Variants in EPHX4 observed in about 807,000 individuals in gnomAD.
EPHX4 encodes the protein abhydrolase domain containing 7.
A neutral mutation model predicts 44.9 loss-of-function variants in EPHX4; 31 were observed. The ratio of observed to expected loss-of-function variants is 0.69; its 90% CI spans 0.52 to 0.93. The LOEUF (loss-of-function observed/expected upper bound fraction) is 0.93, where lower values mean the gene tolerates loss of function less well. Among genes scored for constraint, EPHX4 ranks in the 40% least tolerant of loss-of-function variants. EPHX4 has a pLI of 0.00. For missense variants in EPHX4, 373 were observed against 438.1 expected (o/e 0.85, Z 1.33); for synonymous variants, 151 against 159.7 (o/e 0.95, Z 0.41).
chr1:92,053,475 C>A (rs1647300499), intron 6 of EPHX4, among the ~76,000 whole-genome samples: 1 of 152,144 alleles, frequency 6.6e-6, no homozygotes, highest in South Asian at 2.1e-4. Flanking sequence ...AAACAACCTA[C>A]ATGTGTATTT....
chr1:92,060,242 A>G (rs549601001), intron 6 of EPHX4, among the ~76,000 whole-genome samples: 3 of 151,852 alleles, frequency 2.0e-5, no homozygotes, highest in Non-Finnish European at 2.9e-5. Context: ...CAATGTGTCT[A>G]GAAAAAAAAA....
At chr1:92,041,379 C>T (rs1191401449) in intron 2 of EPHX4, among the ~76,000 whole-genome samples, 1 of 152,220 alleles carries the variant, frequency 6.6e-6, no homozygotes, top group South Asian at 2.1e-4. Context: ...TTTTAAAAAA[C>T]CTTCAGACTT....
intron 2 of EPHX4, among the ~76,000 whole-genome samples, chr1:92,037,714 G>C (rs1351252411): frequency 6.6e-6 from 1 of 152,168 alleles, no homozygotes; most frequent in Non-Finnish European, 1.5e-5. Flanking sequence ...AGTGTAACCT[G>C]GTAAAACCAG....
intron 4 of EPHX4, 111 bp from the exon 5 acceptor site, chr1:92,050,206 G>A: frequency 3.0e-6 from 2 of 669,726 alleles, no homozygotes; most frequent in South Asian, 2.0e-5. Flanking sequence ...CCTTACTTAT[G>A]GATTCTTTTA....
intron 2 of EPHX4, among the ~76,000 whole-genome samples, chr1:92,036,701 G>A (rs551891270): frequency 5.5e-4 from 83 of 152,278 alleles, no homozygotes; most frequent in African/African-American, 1.7e-3. Context: ...AACTACAAAC[G>A]CAGATAGCTC....
At chr1:92,043,664 G>T (rs779373424) in intron 3 of EPHX4, 4 of 152,100 alleles carry the variant, frequency 2.6e-5, no homozygotes, top group Non-Finnish European at 4.4e-5. Flanking sequence ...CCCCAGATTC[G>T]GTGGCATAGG....
At chr1:92,046,148 A>G (rs1688578226) in intron 4 of EPHX4, among the ~76,000 whole-genome samples, 1 of 152,208 alleles carries the variant, frequency 6.6e-6, no homozygotes, top group Non-Finnish European at 1.5e-5. Context: ...TAAAATAGAA[A>G]TTTAAAAATA....
intron 2 of EPHX4, among the ~76,000 whole-genome samples, chr1:92,033,982 C>CAA (rs978980525): frequency 6.3e-5 from 9 of 143,280 alleles, no homozygotes; most frequent in Non-Finnish European, 1.1e-4. Context: ...CAGATGAAAG[C>CAA]AACACATGTT....
rs1007225078 is a variant in EPHX4 at position 92,063,208 on chromosome 1, G to A, written c.1011G>A (p.Trp337Ter). The change falls in exon 7 of 7, where the codon TGG becomes TGA. Residue 337 changes from tryptophan (W) to a stop codon, truncating the protein, a stop_gained. Coordinates refer to ENST00000370383, the MANE Select transcript of EPHX4 (RefSeq NM_173567.5). LOFTEE classifies it high-confidence loss of function. ...CTATTTTGTCAGAAGCCAGTCATTG[G>A]CTTCAGCAAGACCAACCTGACATAG... ...RLTILSEASH[W>*]LQQDQPDIVN... The A allele has an allele frequency of 1.2e-6, 2 of 1,613,868 alleles. No homozygotes were observed. The highest frequency in any genetic ancestry group is 2.7e-5 in the African/African-American group (2 of 74,912).
intron 3 of EPHX4, among the ~76,000 whole-genome samples, chr1:92,045,326 A>T (rs1488942683): frequency 6.6e-6 from 1 of 151,524 alleles, no homozygotes; most frequent in Non-Finnish European, 1.5e-5. Context: ...CCTGGGAGAG[A>T]TTCTCAATCT....
intron 1 of EPHX4, among the ~76,000 whole-genome samples, chr1:92,031,320 T>G (rs1553201445): frequency 2.0e-5 from 3 of 152,086 alleles, no homozygotes; most frequent in Non-Finnish European, 4.4e-5. Context: ...TCACCACCAA[T>G]AAAAAAAGTT....
At chr1:92,049,005 A>G (rs772027045) in intron 4 of EPHX4, among the ~76,000 whole-genome samples, 11 of 151,578 alleles carry the variant, frequency 7.3e-5, no homozygotes, top group Non-Finnish European at 1.3e-4. Flanking sequence ...GCCTGGCTTT[A>G]CACACTTTTT....
chr1:92,031,328 G>T (rs1270318066), intron 1 of EPHX4, among the ~76,000 whole-genome samples: 1 of 152,180 alleles, frequency 6.6e-6, no homozygotes, highest in Non-Finnish European at 1.5e-5. Context: ...AATAAAAAAA[G>T]TTATTGAACC....
At chr1:92,043,636 A>G (rs1448016476) in intron 3 of EPHX4, 1 of 152,240 alleles carries the variant, frequency 6.6e-6, no homozygotes, top group Non-Finnish European at 1.5e-5. Flanking sequence ...GAACCACATA[A>G]TATTGTGGAA....
At chr1:92,032,802 A>G (rs552015295) in intron 2 of EPHX4, among the ~76,000 whole-genome samples, 265 of 152,326 alleles carry the variant, frequency 1.7e-3, no homozygotes, top group Middle Eastern at 0.014. Flanking sequence ...CAGAGGAGGA[A>G]GGGCAAAGAA....
At chr1:92,057,933 T>C (rs1459833426) in intron 6 of EPHX4, among the ~76,000 whole-genome samples, 14 of 152,080 alleles carry the variant, frequency 9.2e-5, no homozygotes, top group Non-Finnish European at 1.3e-4. Flanking sequence ...AAAATCCCAC[T>C]GTTAAATACT....
chr1:92,032,722 TGGA>T, intron 2 of EPHX4, 132 bp downstream of exon 2: 1 of 786,180 alleles, frequency 1.3e-6, no homozygotes, highest in South Asian at 1.7e-5. Flanking sequence ...CTCAGAGTTC[TGGA>T]GGCTGGGAAG....
intron 2 of EPHX4, among the ~76,000 whole-genome samples, chr1:92,041,223 T>A (rs979033257): frequency 2.6e-5 from 4 of 152,202 alleles, no homozygotes; most frequent in African/African-American, 9.6e-5. Flanking sequence ...TGGTCAGTGC[T>A]GGTGCCATTT....
chr1:92,044,789 T>C (rs1688560810), intron 3 of EPHX4, among the ~76,000 whole-genome samples: 1 of 152,138 alleles, frequency 6.6e-6, no homozygotes, highest in African/African-American at 2.4e-5. Flanking sequence ...ATTTATAATT[T>C]TACTATAACT....
Sources: allele counts gnomAD v4.1 joint callset (sites outside exome capture counted in the v4.1 genomes callset), GRCh38; gene constraint gnomAD v4.1.1; transcripts MANE v1.5; gene names NCBI Gene and HGNC (gene_info 2026-07-23, HGNC 2026-07-21).